The following SFMBT2 variants were observed in gnomAD, a reference collection of about 807,000 sequenced individuals.
SFMBT2 encodes Scm like with four mbt domains 2.
SFMBT2 carries 38 observed loss-of-function variants against 110.1 expected under a neutral mutation model. The ratio of observed to expected loss-of-function variants is 0.35; its 90% CI spans 0.27 to 0.45. The LOEUF (loss-of-function observed/expected upper bound fraction) is 0.45. SFMBT2 is among the 20% of genes least tolerant of loss of function. The probability of loss-of-function intolerance (pLI) is 1.00; values close to 1 mark genes in which losing one functional copy is unlikely to be tolerated. For missense variants in SFMBT2, 1,011 were observed against 1,094.9 expected, an observed-to-expected ratio of 0.92 and a Z score of 1.08; for synonymous variants, 425 against 425.4, an observed-to-expected ratio of 1.00 and a Z score of 0.01.
At chr10:7,385,381 C>G (rs1166930712) in intron 1 of SFMBT2, among the ~76,000 whole-genome samples, 1 of 152,108 alleles carries the variant, frequency 6.6e-6, no homozygotes, top group East Asian at 1.9e-4. Flanking sequence ...GCTCAGCTCT[C>G]CCAGCTCTCC....
At chr10:7,362,955 A>G (rs1844771210) in intron 4 of SFMBT2, among the ~76,000 whole-genome samples, 1 of 152,192 alleles carries the variant, frequency 6.6e-6, no homozygotes, top group African/African-American at 2.4e-5. Flanking sequence ...GAAAACTAGC[A>G]CCCAAACCCT....
Position 7,160,623 on chromosome 10 carries a change from A to C in SFMBT2, c.*3147T>G, listed in dbSNP as rs1309034854. The C allele has an allele frequency of 1.3e-5, 2 of 152,212 alleles. No homozygotes were observed. Among genetic ancestry groups the C allele is most frequent in the African/African-American group, 4.8e-5 (2 of 41,436 alleles). 9.4% of individuals were successfully genotyped at this position (152,212 alleles called of 1,614,324 possible). A position where few individuals can be genotyped will look rare whatever the true frequency, so the allele number is the denominator to read the frequency against. On this transcript the variant is annotated 3_prime_UTR_variant, in exon 21 of 21. Transcript: ENST00000397167. ...ATCACTTTTTGGTGTTTAGACCATG[A>C]CATTGTTGGCCTAGGGGCTATGGTG...
At chr10:7,215,309 G>A (rs572031383) in intron 11 of SFMBT2, among the ~76,000 whole-genome samples, 50 of 152,308 alleles carry the variant, frequency 3.3e-4, no homozygotes, top group Non-Finnish European at 5.6e-4. Flanking sequence ...GGAGGCTGAG[G>A]TGGAAGGATT....
At chr10:7,219,834 T>C (rs1839666773) in intron 11 of SFMBT2, 1 of 224,694 alleles carries the variant, frequency 4.5e-6, no homozygotes, top group Non-Finnish European at 7.5e-6. Context: ...ATATAAAGTA[T>C]GATCAGGATT....
chr10:7,409,084 C>T (rs999595618), intron 1 of SFMBT2, among the ~76,000 whole-genome samples: 2 of 145,066 alleles, frequency 1.4e-5, no homozygotes, highest in Admixed American at 1.3e-4. Flanking sequence ...CGCCCTTCTG[C>T]CCCACCCCAC....
intron 4 of SFMBT2, among the ~76,000 whole-genome samples, chr10:7,356,918 C>T (rs1316313181): frequency 2.0e-5 from 3 of 152,124 alleles, no homozygotes; most frequent in Non-Finnish European, 4.4e-5. Context: ...AATGTCTCTG[C>T]CTCTTCTTCC....
chr10:7,171,047 G>C lies in SFMBT2; in HGVS notation c.2425C>G (p.Gln809Glu). 1 of 1,614,102 alleles carries C rather than the reference G, an allele frequency of 6.2e-7. No individual in the cohort carries two copies. The highest frequency in any genetic ancestry group is 8.5e-7 in the Non-Finnish European group (1 of 1,179,988). The change falls in exon 20 of 21, where the codon CAG becomes GAG. Residue 809 changes from glutamine (Q) to glutamate (E), a missense_variant. Coordinates refer to ENST00000397167, the MANE Select transcript of SFMBT2 (RefSeq NM_001387889.1). This position sits in a 1 kb window ranked among gnomAD's most constrained non-coding sequence, Gnocchi z 4.9. ...TKPEGTEDTK[Q>E]EEEERLVLES... ...AGAACCAGTCTCTCCTCCTCCTCCT[G>C]TTTCGTGTCCTGCAGAGAAAGGGCA...
intron 1 of SFMBT2, among the ~76,000 whole-genome samples, chr10:7,394,038 T>G (rs1172155500): frequency 6.6e-6 from 1 of 152,154 alleles, no homozygotes; most frequent in Non-Finnish European, 1.5e-5. Flanking sequence ...GGTCTCACTC[T>G]GTCGCCCAGG....
intron 11 of SFMBT2, among the ~76,000 whole-genome samples, chr10:7,219,993 T>C (rs1475457725): frequency 6.6e-6 from 1 of 152,194 alleles, no homozygotes; most frequent in African/African-American, 2.4e-5. Flanking sequence ...GGTACTATTT[T>C]GAGGAAGAAT....
chr10:7,379,713 T>C (rs867891001), intron 2 of SFMBT2, among the ~76,000 whole-genome samples: 1 of 152,200 alleles, frequency 6.6e-6, no homozygotes, highest in Non-Finnish European at 1.5e-5. Context: ...AGTATTTCCA[T>C]TAAAGATCTG....
chr10:7,188,485 C>T (rs1357478573), intron 16 of SFMBT2, 139 bp downstream of exon 16: 11 of 592,218 alleles, frequency 1.9e-5, no homozygotes, highest in East Asian at 5.9e-5. Context: ...ATTTACGTGT[C>T]GCCCATAGAA....
At chr10:7,377,590 TC>T in intron 2 of SFMBT2, among the ~76,000 whole-genome samples, 1 of 152,088 alleles carries the variant, frequency 6.6e-6, no homozygotes, top group Non-Finnish European at 1.5e-5. Flanking sequence ...CAGTGACAGA[TC>T]ATCAGGCATT....
intron 11 of SFMBT2, chr10:7,207,700 G>A (rs1030861742): frequency 1.3e-6 from 1 of 740,894 alleles, no homozygotes. Context: ...ACACAAAATG[G>A]TCCTAAATCT....
At chr10:7,384,735 G>T (rs574035523) in intron 1 of SFMBT2, among the ~76,000 whole-genome samples, 1 of 152,098 alleles carries the variant, frequency 6.6e-6, no homozygotes, top group Non-Finnish European at 1.5e-5. Flanking sequence ...ACCCCTGTGG[G>T]TATCAGTTTG....
chr10:7,176,370 C>G (rs1459113598), intron 16 of SFMBT2: 1 of 690,402 alleles, frequency 1.4e-6, no homozygotes, highest in Non-Finnish European at 1.8e-6. Flanking sequence ...CGTAACAGTG[C>G]TAAACCAGAA....
rs570663958 is a variant in SFMBT2 at position 7,263,058 on chromosome 10, C to T, written c.870+13834G>A. On this transcript the variant is annotated intron_variant, in intron 7 of 20. Transcript: ENST00000397167. ...AATGGCAACAGGAGGTAGGGGAGCACGTACTCTGCAGAACCATGCTTTCAG... is the reference window on the plus strand; with the variant it reads ...AATGGCAACAGGAGGTAGGGGAGCATGTACTCTGCAGAACCATGCTTTCAG... 2.6e-5 allele frequency among the ~76,000 whole-genome samples: 4 copies of T among 152,168 alleles called. No homozygotes were observed. The East Asian group carries it at 5.8e-4, about 22-fold the overall frequency.
intron 5 of SFMBT2, chr10:7,284,503 T>G (rs779487384): frequency 1.6e-5 from 13 of 836,884 alleles, no homozygotes; most frequent in Non-Finnish European, 1.9e-5. Context: ...TGCCTGGACC[T>G]AGAAAACGTG....
chr10:7,250,194 G>A (rs1840757102), intron 7 of SFMBT2, among the ~76,000 whole-genome samples: 1 of 152,190 alleles, frequency 6.6e-6, no homozygotes, highest in Admixed American at 6.5e-5. Context: ...TACTCAGGTA[G>A]TGAACATAGT....
chr10:7,358,590 T>C (rs1271355236), intron 4 of SFMBT2, among the ~76,000 whole-genome samples: 2 of 152,094 alleles, frequency 1.3e-5, no homozygotes, highest in Admixed American at 1.3e-4. Context: ...TGCATGGCCC[T>C]AGAACATCTG....
Sources: allele counts gnomAD v4.1 joint callset (sites outside exome capture counted in the v4.1 genomes callset), GRCh38; gene constraint gnomAD v4.1.1; non-coding constraint Gnocchi (gnomAD v3.1); transcripts MANE v1.5; gene names NCBI Gene and HGNC (gene_info 2026-07-23, HGNC 2026-07-21).